The following QRICH1 variants were observed in gnomAD, a reference collection of about 807,000 sequenced individuals.
QRICH1 encodes the protein glutamine rich 1.
Under a neutral mutation model 87.1 loss-of-function variants are expected in QRICH1, and 16 were observed. The ratio of observed to expected loss-of-function variants is 0.18; its 90% confidence interval spans 0.12 to 0.28. QRICH1 has a LOEUF of 0.28. Ranked by LOEUF, QRICH1 falls within the 10% of genes least tolerant of loss-of-function variation. The pLI is 1.00. For missense variants in QRICH1, 647 were observed against 951.7 expected (o/e 0.68, Z 4.21); for synonymous variants, 367 against 368.4 (o/e 1.00, Z 0.05).
At chr3:49,054,594 A>C (rs549064968) in intron 3 of QRICH1, among the ~76,000 whole-genome samples, 1 of 150,228 alleles carries the variant, frequency 6.7e-6, no homozygotes, top group Non-Finnish European at 1.5e-5. Context: ...TTGTTTATCT[A>C]AACTATAAAC....
chr3:49,072,671 AAATTT>A, intron 2 of QRICH1, among the ~76,000 whole-genome samples: 1 of 152,316 alleles, frequency 6.6e-6, no homozygotes, highest in East Asian at 1.9e-4. Flanking sequence ...TGGTCAAGTC[AAATTT>A]AAACCCAGTA....
chr3:49,037,095 A>AAG (rs2093280189), intron 6 of QRICH1, among the ~76,000 whole-genome samples: 1 of 150,122 alleles, frequency 6.7e-6, no homozygotes, highest in Non-Finnish European at 1.5e-5. Context: ...AAAAAAAAAA[A>AAG]GGAAAGTTTA....
intron 6 of QRICH1, among the ~76,000 whole-genome samples, chr3:49,041,631 ACTC>A (rs961573361): frequency 5.5e-5 from 8 of 144,250 alleles, no homozygotes; most frequent in Non-Finnish European, 1.1e-4. Context: ...ACCAGCTGCT[ACTC>A]CTTTTTTTTT....
intron 2 of QRICH1, among the ~76,000 whole-genome samples, chr3:49,064,766 A>T (rs1159674169): frequency 6.6e-6 from 1 of 152,158 alleles, no homozygotes; most frequent in East Asian, 1.9e-4. Flanking sequence ...GTATAATCTC[A>T]GCACTTTGGG....
At position 49,046,669 on chromosome 3, in the gene QRICH1, T is replaced by C. The variant is rs533926036; in HGVS notation, c.1517-90A>G. 4.5e-5 allele frequency: 62 copies of C among 1,391,244 alleles called. 1 individual carries two copies. The highest frequency in any genetic ancestry group is 2.3e-5 in the Admixed American group (1 of 43,576). 86.2% of individuals were successfully genotyped at this position (1,391,244 alleles called of 1,614,324 possible). A position where few individuals can be genotyped will look rare whatever the true frequency, so the allele number is the denominator to read the frequency against. ...GATACTGCCCATCAGGGTGCTGGGA[T>C]AGAAATGCTCACTTGTATCTACTAG... On this transcript the variant is annotated intron_variant, in intron 4 of 9. Transcript: ENST00000395443.
intron 2 of QRICH1, among the ~76,000 whole-genome samples, chr3:49,072,785 T>C (rs2041866979): frequency 6.6e-6 from 1 of 151,998 alleles, no homozygotes; most frequent in African/African-American, 2.4e-5. Flanking sequence ...CTCATGCCTA[T>C]AATCCCAGCA....
intron 6 of QRICH1, among the ~76,000 whole-genome samples, chr3:49,038,686 G>C (rs2093291108): frequency 6.6e-6 from 1 of 152,266 alleles, no homozygotes; most frequent in Admixed American, 6.5e-5. Context: ...CAAAGTGCTG[G>C]GAATTCAGGC....
intron 1 of QRICH1, among the ~76,000 whole-genome samples, chr3:49,081,520 A>C (rs922485779): frequency 6.6e-6 from 1 of 152,004 alleles, no homozygotes; most frequent in African/African-American, 2.4e-5. Flanking sequence ...TGGTTTCTTT[A>C]GACAAGGTCT....
intron 2 of QRICH1, among the ~76,000 whole-genome samples, chr3:49,063,873 T>C (rs1231877519): frequency 6.6e-6 from 1 of 152,162 alleles, no homozygotes; most frequent in African/African-American, 2.4e-5. Context: ...TAATATTTAC[T>C]TGTACTCTAA....
chr3:49,080,618 T>C (rs922192770), intron 1 of QRICH1, among the ~76,000 whole-genome samples: 2 of 152,062 alleles, frequency 1.3e-5, no homozygotes, highest in Non-Finnish European at 2.9e-5. Flanking sequence ...TAACCCTATT[T>C]CTCCTCACTC....
intron 2 of QRICH1, among the ~76,000 whole-genome samples, chr3:49,076,168 C>G (rs1042570560): frequency 1.3e-5 from 2 of 152,106 alleles, no homozygotes; most frequent in Admixed American, 1.3e-4. Flanking sequence ...CATCCTGGAC[C>G]ACAGTGCAAG....
chr3:49,087,251 C>T (rs1430531282), intron 1 of QRICH1, among the ~76,000 whole-genome samples: 1 of 150,900 alleles, frequency 6.6e-6, no homozygotes, highest in Non-Finnish European at 1.5e-5. Context: ...GAGCAAAACT[C>T]TGTCTCAAAA....
At position 49,085,152 on chromosome 3, in the gene QRICH1, A is replaced by T. The variant is rs565518702; in HGVS notation, c.-21-8114T>A. 9.2e-5 allele frequency among the ~76,000 whole-genome samples: 14 copies of T among 152,302 alleles called. 1 individual carries two copies. In the South Asian group the frequency reaches 2.7e-3, roughly 29 times the overall value. ...AGCAAGACTCCGTCTCAAAAAAAAAAAAATCATCTTTTTCTACACAGTGGC... is the reference window on the plus strand; with the variant it reads ...AGCAAGACTCCGTCTCAAAAAAAAATAAATCATCTTTTTCTACACAGTGGC... On this transcript the variant is annotated intron_variant, in intron 1 of 9. Transcript: ENST00000395443.
chr3:49,050,553 GT>G (rs1226342027), intron 3 of QRICH1, among the ~76,000 whole-genome samples: 7 of 151,630 alleles, frequency 4.6e-5, no homozygotes, highest in African/African-American at 1.7e-4. Context: ...CATGTGCAAA[GT>G]TTTGCATCAG....
At chr3:49,053,120 G>A (rs763698439) in intron 3 of QRICH1, among the ~76,000 whole-genome samples, 4 of 152,066 alleles carry the variant, frequency 2.6e-5, no homozygotes, top group Non-Finnish European at 5.9e-5. Context: ...AGAAGGCACC[G>A]GTAAGCCTCC....
intron 6 of QRICH1, among the ~76,000 whole-genome samples, chr3:49,040,693 C>T (rs1320733296): frequency 2.0e-5 from 3 of 152,112 alleles, no homozygotes; most frequent in Non-Finnish European, 4.4e-5. Context: ...GATTAAAACT[C>T]GGATATTTGC....
At chr3:49,048,499 C>T (rs1372314846) in intron 3 of QRICH1, among the ~76,000 whole-genome samples, 1 of 146,212 alleles carries the variant, frequency 6.8e-6, no homozygotes, top group Non-Finnish European at 1.5e-5. Flanking sequence ...AAAAAAAAAA[C>T]CCACCCTGGC....
At chr3:49,044,281 G>T in intron 6 of QRICH1, 109 bp downstream of exon 6, 1 of 844,822 alleles carries the variant, frequency 1.2e-6, no homozygotes, top group Admixed American at 2.4e-5. Context: ...CTGCAGTCTG[G>T]GATTTATATC....
At chr3:49,071,842 G>C (rs1457594836) in intron 2 of QRICH1, among the ~76,000 whole-genome samples, 4 of 152,106 alleles carry the variant, frequency 2.6e-5, no homozygotes, top group Admixed American at 6.6e-5. Context: ...ACACAAGCAA[G>C]CCACCATACC....
Sources: allele counts gnomAD v4.1 joint callset (sites outside exome capture counted in the v4.1 genomes callset), GRCh38; gene constraint gnomAD v4.1.1; transcripts MANE v1.5; gene names NCBI Gene and HGNC (gene_info 2026-07-23, HGNC 2026-07-21).